Variants in BTBD9 observed in about 807,000 individuals in gnomAD.
BTBD9 encodes the protein BTB domain containing 9.
Under a neutral mutation model 64.3 loss-of-function variants are expected in BTBD9, and 49 were observed. The observed-to-expected ratio is 0.76, with a 90% CI of 0.61 to 0.97. BTBD9 has a LOEUF of 0.97. BTBD9 is among the 50% of genes least tolerant of loss of function. The probability of loss-of-function intolerance (pLI) is 0.00; values close to 1 mark genes in which losing one functional copy is unlikely to be tolerated. For missense variants in BTBD9, 598 were observed against 762.1 expected, an observed-to-expected ratio of 0.78 and a Z score of 2.53; for synonymous variants, 260 against 274.7, an observed-to-expected ratio of 0.95 and a Z score of 0.53.
chr6:38,213,146 C>T (rs1415031647), intron 9 of BTBD9, among the ~76,000 whole-genome samples: 1 of 152,030 alleles, frequency 6.6e-6, no homozygotes, highest in Non-Finnish European at 1.5e-5. Flanking sequence ...AGAAGGATCA[C>T]CAGACGGTCT....
intron 8 of BTBD9, among the ~76,000 whole-genome samples, chr6:38,287,870 T>A (rs1761807651): frequency 6.6e-6 from 1 of 152,240 alleles, no homozygotes; most frequent in Non-Finnish European, 1.5e-5. Context: ...TCACTAAGAT[T>A]ATTCAAAACC....
At chr6:38,517,338 G>T (rs915221260) in intron 6 of BTBD9, among the ~76,000 whole-genome samples, 1 of 152,132 alleles carries the variant, frequency 6.6e-6, no homozygotes, top group African/African-American at 2.4e-5. Flanking sequence ...TAATGCTACA[G>T]CAAAAAAAGT....
intron 6 of BTBD9, among the ~76,000 whole-genome samples, chr6:38,379,107 G>T (rs117311013): frequency 2.6e-5 from 4 of 152,078 alleles, no homozygotes; most frequent in Non-Finnish European, 4.4e-5. Context: ...GCTGATCCCC[G>T]GTAGCAGTTT....
At chr6:38,282,865 ATT>A (rs1761571428) in intron 8 of BTBD9, among the ~76,000 whole-genome samples, 1 of 152,046 alleles carries the variant, frequency 6.6e-6, no homozygotes, top group Non-Finnish European at 1.5e-5. Flanking sequence ...TTTCCTCCTG[ATT>A]CCCCCATGGC....
In BTBD9 at chr6:38,592,914, C is replaced by T. The variant is rs934722552; in HGVS notation, c.550-74G>A. The T allele has an allele frequency of 4.7e-6, 7 of 1,483,556 alleles. No individual in the cohort carries two copies. The African/African-American group carries it at 8.4e-5, about 18-fold the overall frequency. 91.9% of individuals were successfully genotyped at this position (1,483,556 alleles called of 1,614,324 possible). On this transcript the variant is annotated intron_variant, in intron 3 of 10. Coordinates refer to ENST00000481247, the MANE Select transcript of BTBD9 (RefSeq NM_001099272.2). The stretch of plus-strand genomic sequence containing the variant: ...TGCATGACCAATCAGTAAAAGCTTA[C>T]AGGACAAGTATAACTTAGCCAATTA...
intron 10 of BTBD9, among the ~76,000 whole-genome samples, chr6:38,175,437 C>T (rs1293694714): frequency 6.6e-6 from 1 of 152,230 alleles, no homozygotes; most frequent in East Asian, 1.9e-4. Context: ...GACACGGATT[C>T]CCACAAAATC....
chr6:38,218,943 TTTTTGGAG>T (rs1304838214), intron 9 of BTBD9, among the ~76,000 whole-genome samples: 2 of 152,020 alleles, frequency 1.3e-5, no homozygotes, highest in Admixed American at 1.3e-4. Flanking sequence ...CCAGTATACT[TTTTTGGAG>T]TACCCGCCCA....
chr6:38,455,714 T>C (rs1040449733), intron 6 of BTBD9, among the ~76,000 whole-genome samples: 1 of 152,234 alleles, frequency 6.6e-6, no homozygotes, highest in Non-Finnish European at 1.5e-5. Context: ...TTTTGTTTGT[T>C]TTTTTGTTTC....
chr6:38,560,146 A>T lies in BTBD9; in HGVS notation c.1154+17454T>A, dbSNP rs544465527. Among the ~76,000 whole-genome samples the T allele has an allele frequency of 2.0e-5, 3 of 152,320 alleles. No homozygotes were observed. In the South Asian group the frequency reaches 6.2e-4, roughly 32 times the overall value. On this transcript the variant is annotated intron_variant, in intron 6 of 10. Coordinates refer to ENST00000481247, the MANE Select transcript of BTBD9 (RefSeq NM_001099272.2). ...CAGAATAAACAACCCACAGAATGGGAAAAAATATCTGCAAACTATGCATCT... is the reference window on the plus strand; with the variant it reads ...CAGAATAAACAACCCACAGAATGGGTAAAAATATCTGCAAACTATGCATCT...
chr6:38,524,005 T>G (rs16890787), intron 6 of BTBD9, among the ~76,000 whole-genome samples: 2,253 of 152,322 alleles, frequency 0.015, 39 homozygotes, highest in African/African-American at 0.05. Context: ...CTTTGAGATA[T>G]CTCTTCAATT....
Position 38,222,254 on chromosome 6 carries a change from G to GTTTTTTTTTTTTTTTTTTTTTTTTT in BTBD9, c.1563-29658_1563-29657insAAAAAAAAAAAAAAAAAAAAAAAAA, listed in dbSNP as rs771737210. Among the ~76,000 whole-genome samples, 8 of 96,702 alleles carry GTTTTTTTTTTTTTTTTTTTTTTTTT rather than the reference G, an allele frequency of 8.3e-5. 4 individuals carry two copies. The highest frequency in any genetic ancestry group is 8.1e-5 in the African/African-American group (2 of 24,656). 63.4% of individuals were successfully genotyped at this position (96,702 alleles called of 152,430 possible). On this transcript the variant is annotated intron_variant, in intron 9 of 10. Coordinates refer to ENST00000481247, the MANE Select transcript of BTBD9 (RefSeq NM_001099272.2). ...TAAATTAGCCTTAATAATTCATTCA[G>GTTTTTTTTTTTTTTTTTTTTTTTTT]TTGTTTTTTTTTTTTTTTTTTTTTT...
Position 38,184,307 on chromosome 6 carries a change from T to G in BTBD9, c.1641+8212A>C, listed in dbSNP as rs1004205743. 1.1e-4 allele frequency among the ~76,000 whole-genome samples: 17 copies of G among 152,198 alleles called. No homozygotes were observed. The highest frequency in any genetic ancestry group is 4.1e-4 in the African/African-American group (17 of 41,452). ...CCGGCTGTCCCTGCACTGCCTCCTC[T>G]CTGGCCCAGTACCTCGCATGCACCA... On this transcript the variant is annotated intron_variant, in intron 10 of 10. Coordinates refer to ENST00000481247, the MANE Select transcript of BTBD9 (RefSeq NM_001099272.2). This position sits in a 1 kb window ranked among gnomAD's most constrained non-coding sequence, Gnocchi z 4.4.
intron 5 of BTBD9, 139 bp from the exon 6 acceptor site, chr6:38,577,858 C>T (rs1562366205): frequency 1.1e-5 from 9 of 785,552 alleles, no homozygotes; most frequent in Middle Eastern, 3.0e-4. Flanking sequence ...ATTCTAATAA[C>T]AAAAGAATGT....
At chr6:38,564,914 TA>T (rs370255465) in intron 6 of BTBD9, among the ~76,000 whole-genome samples, 281 of 151,798 alleles carry the variant, frequency 1.9e-3, no homozygotes, top group African/African-American at 6.3e-3. Flanking sequence ...TAAATAAAAA[TA>T]AAAAAGATCT....
intron 8 of BTBD9, among the ~76,000 whole-genome samples, chr6:38,274,693 G>A (rs1163840333): frequency 1.5e-4 from 23 of 152,268 alleles, no homozygotes; most frequent in Admixed American, 2.0e-4. Context: ...ACTGATTTGC[G>A]TATGTTGAAC....
At chr6:38,478,406 T>C (rs1459970487) in intron 6 of BTBD9, among the ~76,000 whole-genome samples, 2 of 152,192 alleles carry the variant, frequency 1.3e-5, no homozygotes, top group Admixed American at 6.5e-5. Flanking sequence ...GCTTGAAAAA[T>C]AGTTTATTAG....
chr6:38,240,546 T>C (rs1458432645), intron 9 of BTBD9, among the ~76,000 whole-genome samples: 2 of 152,178 alleles, frequency 1.3e-5, no homozygotes, highest in East Asian at 3.8e-4. Context: ...ATTAAGGAAA[T>C]GGCAAAAGAA....
At chr6:38,563,187 T>C (rs1297578112) in intron 6 of BTBD9, among the ~76,000 whole-genome samples, 1 of 152,222 alleles carries the variant, frequency 6.6e-6, no homozygotes, top group African/African-American at 2.4e-5. Flanking sequence ...CTCTACACTT[T>C]ACTACATTCT....
At chr6:38,518,561 T>C (rs1304055328) in intron 6 of BTBD9, among the ~76,000 whole-genome samples, 2 of 152,212 alleles carry the variant, frequency 1.3e-5, no homozygotes, top group Non-Finnish European at 2.9e-5. Context: ...GGATCCAGTT[T>C]GAGCACAAAG....
Sources: gnomAD v4.1 joint callset for allele counts (sites outside exome capture counted in the v4.1 genomes callset) on GRCh38, gnomAD v4.1.1 for gene constraint, Gnocchi (gnomAD v3.1) non-coding constraint, MANE v1.5 for transcripts, NCBI Gene and HGNC (gene_info 2026-07-23, HGNC 2026-07-21) for gene names.